The following ZPLD1 variants were observed in gnomAD, a reference collection of about 807,000 sequenced individuals.
The protein encoded by ZPLD1 is zona pellucida-like domain-containing protein 1.
Under a neutral mutation model 47.2 loss-of-function variants are expected in ZPLD1, and 34 were observed. The ratio of observed to expected loss-of-function variants is 0.72; its 90% confidence interval spans 0.55 to 0.96. ZPLD1 has a LOEUF of 0.96. Ranked by LOEUF, ZPLD1 falls within the 40% of genes least tolerant of loss-of-function variation. The pLI, the probability that ZPLD1 is intolerant of heterozygous loss-of-function variation, is 0.00. For synonymous variants in ZPLD1, 176 were observed against 186.2 expected (o/e 0.95, Z 0.45); for missense variants, 512 against 505.8 (o/e 1.01, Z -0.12).
chr3:102,462,436 T>A, intron 7 of ZPLD1, 58 bp downstream of exon 7: 1 of 1,211,796 alleles, frequency 8.3e-7, no homozygotes, highest in Non-Finnish European at 1.2e-6. Context: ...TAAATCCTCA[T>A]GAGTCATAAA....
intron 9 of ZPLD1, 104 bp downstream of exon 9, chr3:102,469,239 G>C (rs1707646020): frequency 8.3e-6 from 10 of 1,210,854 alleles, no homozygotes; most frequent in Non-Finnish European, 1.1e-5. Context: ...ATATGTGTTA[G>C]ATCAAATAGT....
chr3:102,458,879 G>A (rs1445448577), intron 6 of ZPLD1, among the ~76,000 whole-genome samples: 1 of 152,012 alleles, frequency 6.6e-6, no homozygotes, highest in Non-Finnish European at 1.5e-5. Context: ...CACGAGGTCA[G>A]GAGATCGAGA....
chr3:102,427,967 T>C (rs55731738), intron 8 of ZPLD1, among the ~76,000 whole-genome samples: 6,476 of 152,256 alleles, frequency 0.043, 464 homozygotes, highest in African/African-American at 0.15. Context: ...TTTAATGCAA[T>C]TATTATAAAG....
intron 8 of ZPLD1, among the ~76,000 whole-genome samples, chr3:102,419,347 TATA>T (rs1321317343): frequency 2.0e-5 from 3 of 151,946 alleles, no homozygotes; most frequent in African/African-American, 7.2e-5. Context: ...TCTTTACTAT[TATA>T]ATACTTAGCT....
chr3:102,392,305 G>A (rs1169165242), intron 7 of ZPLD1: 2 of 152,050 alleles, frequency 1.3e-5, no homozygotes, highest in Admixed American at 1.3e-4. Context: ...ATTTTCTGTT[G>A]CTTGCAACAA....
intron 10 of ZPLD1, among the ~76,000 whole-genome samples, chr3:102,472,591 C>T (rs1707702243): frequency 6.6e-6 from 1 of 151,312 alleles, no homozygotes; most frequent in African/African-American, 2.4e-5. Context: ...TGATCTCTAT[C>T]TAGCTTTCAG....
chr3:102,437,864 C>G (rs1301473518), intron 2 of ZPLD1, among the ~76,000 whole-genome samples: 1 of 152,200 alleles, frequency 6.6e-6, no homozygotes, highest in African/African-American at 2.4e-5. Context: ...ATGTTGTTCA[C>G]ACACAGAGTA....
At chr3:102,470,275 A>G in intron 9 of ZPLD1, 119 bp from the exon 10 acceptor site, 1 of 721,002 alleles carries the variant, frequency 1.4e-6, no homozygotes, top group Non-Finnish European at 2.4e-6. Flanking sequence ...AATGCACGGA[A>G]GGAAATGAAT....
chr3:102,451,168 A>G (rs1707331356), intron 3 of ZPLD1, among the ~76,000 whole-genome samples: 1 of 152,184 alleles, frequency 6.6e-6, no homozygotes, highest in African/African-American at 2.4e-5. Context: ...AATATGACTC[A>G]CTTTGCTAGG....
chr3:102,429,154 C>A (rs1462427901), intron 8 of ZPLD1, among the ~76,000 whole-genome samples: 2 of 152,122 alleles, frequency 1.3e-5, no homozygotes, highest in African/African-American at 4.8e-5. Context: ...TAGGGAAGTT[C>A]ATGTCATTGT....
chr3:102,477,872 T>C lies in ZPLD1; in HGVS notation c.*254T>C. The C allele has an allele frequency of 1.3e-5, 4 of 314,984 alleles. No homozygotes were observed. Among genetic ancestry groups the C allele is most frequent in the Non-Finnish European group, 2.3e-5 (4 of 174,172 alleles). The allele number at this position is 314,984 out of a possible 1,614,324, so 19.5% of individuals were successfully genotyped here. The stretch of plus-strand genomic sequence containing the variant: ...ACAATAAGTGAAAAATATTCAGGAC[T>C]TAGGGCTTACAGGATCAGTAATATT... On this transcript the variant is annotated 3_prime_UTR_variant, in exon 12 of 12. Coordinates refer to ENST00000466937, the MANE Select transcript of ZPLD1 (RefSeq NM_001329788.2).
intron 10 of ZPLD1, among the ~76,000 whole-genome samples, chr3:102,471,412 T>G (rs764874313): frequency 6.6e-6 from 1 of 152,252 alleles, no homozygotes; most frequent in Non-Finnish European, 1.5e-5. Flanking sequence ...ATTTGTTTCC[T>G]TTCAGAATTC....
intron 10 of ZPLD1, among the ~76,000 whole-genome samples, chr3:102,476,701 A>T (rs1321996768): frequency 1.3e-5 from 2 of 152,150 alleles, no homozygotes; most frequent in East Asian, 3.8e-4. Flanking sequence ...TAATGATGAA[A>T]CAAAGTTGTC....
chr3:102,415,587 A>G (rs1706796211), intron 7 of ZPLD1, among the ~76,000 whole-genome samples: 2 of 151,978 alleles, frequency 1.3e-5, no homozygotes, highest in Admixed American at 1.3e-4. Flanking sequence ...TTTTAGCGTG[A>G]AGCTAAAACT....
chr3:102,459,059 C>T (rs1456262837), intron 6 of ZPLD1, among the ~76,000 whole-genome samples: 1 of 129,850 alleles, frequency 7.7e-6, no homozygotes, highest in Non-Finnish European at 1.5e-5. Context: ...CACTGCACTC[C>T]AGCCTGGGAG....
chr3:102,400,985 C>A (rs1404107584), intron 7 of ZPLD1, among the ~76,000 whole-genome samples: 1 of 152,048 alleles, frequency 6.6e-6, no homozygotes, highest in African/African-American at 2.4e-5. Context: ...TGAGTCATTT[C>A]CTCTGCTTTC....
In ZPLD1 at chr3:102,477,706, G is replaced by A; in HGVS notation, c.*88G>A. ...AGTGTTCCGTCTGAATTTCATGTCA[G>A]TCCACATTCAATATTTGTAGGTTTG... On this transcript the variant is annotated 3_prime_UTR_variant, in exon 12 of 12. Coordinates refer to ENST00000466937, the MANE Select transcript of ZPLD1 (RefSeq NM_001329788.2). 1 of 1,209,660 alleles carries A rather than the reference G, an allele frequency of 8.3e-7. No homozygotes were observed. Among genetic ancestry groups the A allele is most frequent in the Non-Finnish European group, 1.1e-6 (1 of 875,826 alleles). 74.9% of individuals were successfully genotyped at this position (1,209,660 alleles called of 1,614,324 possible).
chr3:102,453,166 AG>A (rs1707365284), intron 4 of ZPLD1, 27 bp downstream of exon 4: 2 of 1,586,642 alleles, frequency 1.3e-6, no homozygotes. Context: ...ATTGTGTGCT[AG>A]GTCTGGGGTC....
At chr3:102,461,544 C>T (rs1396732131) in intron 6 of ZPLD1, among the ~76,000 whole-genome samples, 1 of 151,940 alleles carries the variant, frequency 6.6e-6, no homozygotes, top group African/African-American at 2.4e-5. Context: ...AACCATATGG[C>T]ATGTATTTTA....
Sources: allele counts gnomAD v4.1 joint callset (sites outside exome capture counted in the v4.1 genomes callset), GRCh38; gene constraint gnomAD v4.1.1; transcripts MANE v1.5; gene names NCBI Gene and HGNC (gene_info 2026-07-23, HGNC 2026-07-21).